The following RIPK3 variants were observed in gnomAD, a reference collection of about 807,000 sequenced individuals.
The protein encoded by RIPK3 is receptor interacting serine/threonine kinase 3.
RIPK3 carries 51 observed loss-of-function variants against 51.6 expected under a neutral mutation model. The ratio of observed to expected loss-of-function variants is 0.99; its 90% CI spans 0.79 to 1.25. The LOEUF is 1.25. Among genes scored for constraint, RIPK3 ranks in the 50% most tolerant of loss-of-function variants. The pLI is 0.00. For synonymous variants in RIPK3, 246 were observed against 257.7 expected, an observed-to-expected ratio of 0.95 and a Z score of 0.44; for missense variants, 654 against 650.4, an observed-to-expected ratio of 1.01 and a Z score of -0.06.
chr14:24,336,911 CT>C lies in RIPK3; in HGVS notation c.1309del (p.Arg437GlyfsTer8). 6.2e-7 allele frequency: 1 copy of C among 1,614,162 alleles called. No homozygotes were observed. Among genetic ancestry groups the C allele is most frequent in the African/African-American group, 1.3e-5 (1 of 75,028 alleles). On this transcript the variant is annotated frameshift_variant, in exon 9 of 10. Coordinates refer to ENST00000216274, the MANE Select transcript of RIPK3 (RefSeq NM_006871.4). LOFTEE classifies it low-confidence loss of function (END_TRUNC). Reference protein sequence around the residue: ...AERQGMNWSCRTPEPNPVTGR... With the variant: ...AERQGMNWSCXTPEPNPVTGR... ...TGTTACTGGATTTGGCTCCGGGGTC[CT>C]GCAGGACCAGTTCATGCCTTGTCTC...
chr14:24,338,999 G>C lies in RIPK3; in HGVS notation c.471+16C>G. 1 of 1,603,418 alleles carries C rather than the reference G, an allele frequency of 6.2e-7. No individual in the cohort carries two copies. The highest frequency in any genetic ancestry group is 8.5e-7 in the Non-Finnish European group (1 of 1,170,212). On this transcript the variant is annotated intron_variant, in intron 3 of 9. Transcript: ENST00000216274. ...GGGCCTTGTCTTGAGGCTGAGAGGG[G>C]TGTAGACCAGCTGACCTTGACGTGC...
rs895232176 is a variant in RIPK3 at position 24,338,736 on chromosome 14, G to C, written c.472-169C>G. 5.2e-6 allele frequency: 5 copies of C among 969,576 alleles called. No individual in the cohort carries two copies. In the African/African-American group the frequency reaches 8.3e-5, roughly 16 times the overall value. The allele number at this position is 969,576 out of a possible 1,614,324, so 60.1% of individuals were successfully genotyped here. A position where few individuals can be genotyped will look rare whatever the true frequency, so the allele number is the denominator to read the frequency against. The stretch of plus-strand genomic sequence containing the variant: ...ATCTAGGTGCCTTGTGGTAGGGCTA[G>C]GTCAAGGTCTGAGTCTCCAGGGCTG... On this transcript the variant is annotated intron_variant, in intron 3 of 9. Coordinates refer to ENST00000216274, the MANE Select transcript of RIPK3 (RefSeq NM_006871.4).
chr14:24,339,850 C>A lies in RIPK3; in HGVS notation c.-24G>T. 2 of 1,549,708 alleles carry A rather than the reference C, an allele frequency of 1.3e-6. No homozygotes were observed. The highest frequency in any genetic ancestry group is 1.3e-5 in the South Asian group (1 of 79,820). ...ATCAGGCTGGAAGGTGCCAGGGGGCCTCTGGAAATTGCGAGCCGTAGGAGA... is the reference window on the plus strand; with the variant it reads ...ATCAGGCTGGAAGGTGCCAGGGGGCATCTGGAAATTGCGAGCCGTAGGAGA... On this transcript the variant is annotated 5_prime_UTR_variant, in exon 1 of 10. The change creates a new upstream start codon in the 5' untranslated region. Transcript: ENST00000216274. The surrounding 1 kb of genome is among the most constrained non-coding windows in gnomAD (Gnocchi z 4.0).
chr14:24,336,647 A>C, intron 9 of RIPK3: 1 of 665,300 alleles, frequency 1.5e-6, no homozygotes, highest in Non-Finnish European at 2.5e-6. Flanking sequence ...TAGGGGGCTC[A>C]CAGAGCTGGT....
intron 3 of RIPK3, 193 bp from the exon 4 acceptor site, chr14:24,338,760 T>G (rs995450397): frequency 8.6e-6 from 7 of 816,866 alleles, no homozygotes; most frequent in Non-Finnish European, 1.3e-5. Context: ...TCTCCAGGGC[T>G]GGGTCAGCCA....
intron 3 of RIPK3, chr14:24,338,798 G>T: frequency 1.4e-6 from 1 of 693,114 alleles, no homozygotes. Context: ...TGGTGGGGCA[G>T]CTGGTGGAAA....
Position 24,339,776 on chromosome 14 carries a change from G to A in RIPK3, c.20+31C>T, listed in dbSNP as rs916468530. On this transcript the variant is annotated intron_variant, in intron 1 of 9. Coordinates refer to ENST00000216274, the MANE Select transcript of RIPK3 (RefSeq NM_006871.4). The surrounding 1 kb of genome is among the most constrained non-coding windows in gnomAD (Gnocchi z 4.0). ...GGGCTCTCTGGGTGTGAATGTCGGA[G>A]GCTGCGATCGACATGCCACTCCCTA... The A allele has an allele frequency of 6.4e-7, 1 of 1,570,826 alleles. No individual in the cohort carries two copies. Among genetic ancestry groups the A allele is most frequent in the Non-Finnish European group, 8.6e-7 (1 of 1,158,696 alleles).
At chr14:24,338,220 A>G in intron 5 of RIPK3, 29 bp downstream of exon 5, 1 of 1,532,760 alleles carries the variant, frequency 6.5e-7, no homozygotes, top group South Asian at 1.3e-5. Flanking sequence ...CCTGGGGTTA[A>G]GGATCCCAGA....
Position 24,339,443 on chromosome 14 carries a change from C to G in RIPK3, c.161+14G>C. The G allele has an allele frequency of 6.2e-7, 1 of 1,614,168 alleles. No homozygotes were observed. Among genetic ancestry groups the G allele is most frequent in the Non-Finnish European group, 8.5e-7 (1 of 1,180,012 alleles). ...TTGGCCAGATTGCGGCTGGGGTCAA[C>G]CGGGGTCACTCACGAGTTTACGATC... On this transcript the variant is annotated intron_variant, in intron 2 of 9. Transcript: ENST00000216274. This position sits in a 1 kb window ranked among gnomAD's most constrained non-coding sequence, Gnocchi z 4.0.
rs770580064 is a variant in RIPK3, at chr14:24,339,070, AGGAG to A, written c.412_415del (p.Leu138CysfsTer56). Reference sequence around the variant, plus strand: ...GTTGGATGGCTTGAGGTCCCGGTGCAGGAGCACCGGGTTCTGGTCGTGCAGGTAA... The same window carrying A: ...GTTGGATGGCTTGAGGTCCCGGTGCACACCGGGTTCTGGTCGTGCAGGTAA... On this transcript the variant is annotated frameshift_variant, in exon 3 of 10. Transcript: ENST00000216274. LOFTEE classifies it high-confidence loss of function. The surrounding 1 kb of genome is among the most constrained non-coding windows in gnomAD (Gnocchi z 4.0). The A allele has an allele frequency of 9.9e-6, 16 of 1,613,950 alleles. No homozygotes were observed. The South Asian group carries it at 1.6e-4, about 17-fold the overall frequency.
intron 3 of RIPK3, 44 bp downstream of exon 3, chr14:24,338,971 C>G (rs376863318): frequency 1.5e-5 from 23 of 1,526,636 alleles, no homozygotes; most frequent in African/African-American, 6.8e-5. Flanking sequence ...TGGAGCAGCT[C>G]TGGGGCCTTG....
chr14:24,336,253 T>C lies in RIPK3; in HGVS notation c.1479A>G (p.Pro493=). 1.2e-6 allele frequency: 2 copies of C among 1,614,050 alleles called. No homozygotes were observed. Among genetic ancestry groups the C allele is most frequent in the Non-Finnish European group, 1.7e-6 (2 of 1,180,006 alleles). Reference sequence around the variant, plus strand: ...CTTTAGGGCCTTCTTGCGAACCTACTGGTGGGGGGTGCTGCAAGCCCCTCC... The same window carrying C: ...CTTTAGGGCCTTCTTGCGAACCTACCGGTGGGGGGTGCTGCAAGCCCCTCC... ...GKGRGLQHPP[P]VGSQEGPKDP... Residue 493 remains proline, a synonymous_variant, in exon 10 of 10, where the codon CCA becomes CCG. Transcript: ENST00000216274.
At position 24,339,122 on chromosome 14, in the gene RIPK3, T is replaced by C; in HGVS notation, c.364A>G (p.Lys122Glu). 6.2e-7 allele frequency: 1 copy of C among 1,614,180 alleles called. No individual in the cohort carries two copies. Among genetic ancestry groups the C allele is most frequent in the Non-Finnish European group, 8.5e-7 (1 of 1,180,032 alleles). The change falls in exon 3 of 10, where the codon AAA becomes GAA. Residue 122 changes from lysine to glutamate, a missense_variant. Transcript: ENST00000216274. The surrounding 1 kb of genome is among the most constrained non-coding windows in gnomAD (Gnocchi z 4.0). ...RPWPLLCRLL[K>E]EVVLGMFYLH... ...TAAAACATCCCAAGCACCACTTCTT[T>C]CAGCAGGCGGCAAAGGAGCGGCCAG...
At chr14:24,338,793 G>A in intron 3 of RIPK3, 1 of 700,358 alleles carries the variant, frequency 1.4e-6, no homozygotes, top group Non-Finnish European at 2.3e-6. Context: ...GGGGCTGGTG[G>A]GGCAGCTGGT....
chr14:24,337,588 G>T, intron 7 of RIPK3, 107 bp downstream of exon 7: 7 of 1,573,260 alleles, frequency 4.4e-6, no homozygotes, highest in Non-Finnish European at 6.1e-6. Context: ...TGGGTACAAA[G>T]GTCAAGGCAT....
Position 24,336,184 on chromosome 14 carries a change from G to T in RIPK3, c.1548C>A (p.Ser516Arg). 1 of 1,612,040 alleles carries T rather than the reference G, an allele frequency of 6.2e-7. No individual in the cohort carries two copies. Among genetic ancestry groups the T allele is most frequent in the Non-Finnish European group, 8.5e-7 (1 of 1,178,958 alleles). ...WSRPQGWYNH[S>R]GK ...AAGCTTGGAAGGTGCTTTATTTCCCGCTATGATTATACCAACCCTGTGGCC... is the reference window on the plus strand; with the variant it reads ...AAGCTTGGAAGGTGCTTTATTTCCCTCTATGATTATACCAACCCTGTGGCC... Residue 516 changes from serine (S) to arginine (R), a missense_variant, in exon 10 of 10, where the codon AGC becomes AGA. Transcript: ENST00000216274.
rs773830051 is a variant in RIPK3 at position 24,336,829 on chromosome 14, G to A, written c.1336+56C>T. The A allele has an allele frequency of 2.1e-6, 3 of 1,436,840 alleles. No homozygotes were observed. In the African/African-American group the frequency reaches 4.2e-5, roughly 20 times the overall value. 89.0% of individuals were successfully genotyped at this position (1,436,840 alleles called of 1,614,324 possible). ...CCCTGAATCTAGATATAGGTCTGGA[G>A]GAGGAGTCTGGTGGAAGAATTGAAC... On this transcript the variant is annotated intron_variant, in intron 9 of 9. Coordinates refer to ENST00000216274, the MANE Select transcript of RIPK3 (RefSeq NM_006871.4).
chr14:24,338,106 A>G (rs959899388), intron 5 of RIPK3, 66 bp from the exon 6 acceptor site: 2 of 1,609,646 alleles, frequency 1.2e-6, no homozygotes, highest in Non-Finnish European at 1.7e-6. Flanking sequence ...CTGCTTCATC[A>G]TGGAAAGAGG....
Position 24,338,774 on chromosome 14 carries a change from C to T in RIPK3, c.472-207G>A, listed in dbSNP as rs965685258. On this transcript the variant is annotated intron_variant, in intron 3 of 9. Transcript: ENST00000216274. ...GTCTCCAGGGCTGGGTCAGCCATGA[C>T]TCTTTGGAGGGGCTGGTGGGGCAGC... 3 of 756,244 alleles carry T rather than the reference C, an allele frequency of 4.0e-6. No individual in the cohort carries two copies. The South Asian group carries it at 5.6e-5, about 14-fold the overall frequency. The allele number at this position is 756,244 out of a possible 1,614,324, so 46.8% of individuals were successfully genotyped here.
Sources: allele counts gnomAD v4.1 joint callset, GRCh38; gene constraint gnomAD v4.1.1; non-coding constraint Gnocchi (gnomAD v3.1); transcripts MANE v1.5; gene names NCBI Gene and HGNC (gene_info 2026-07-23, HGNC 2026-07-21).